Variants in LPAR3 observed in about 807,000 individuals in gnomAD.
The protein encoded by LPAR3 is lysophosphatidic acid receptor 3.
In LPAR3, 7 loss-of-function variants were observed where a neutral mutation model predicts 17.8. The observed-to-expected ratio is 0.39, with a 90% confidence interval of 0.22 to 0.74. LPAR3 has a LOEUF of 0.74. Ranked by LOEUF, LPAR3 falls within the 30% of genes least tolerant of loss-of-function variation. The pLI, the probability that LPAR3 is intolerant of heterozygous loss-of-function variation, is 0.40. For missense variants in LPAR3, 391 were observed against 453.4 expected (o/e 0.86, Z 1.25); for synonymous variants, 179 against 179.9 (o/e 0.99, Z 0.04).
At chr1:84,847,732 G>A (rs1395423548) in intron 2 of LPAR3, among the ~76,000 whole-genome samples, 1 of 152,154 alleles carries the variant, frequency 6.6e-6, no homozygotes, top group African/African-American at 2.4e-5. Flanking sequence ...GTCTTTCAGG[G>A]ACTTACCATC....
In LPAR3 at chr1:84,865,788, A is replaced by G. The variant is rs755703175; in HGVS notation, c.333T>C (p.Ser111=). Residue 111 remains serine (S), a synonymous_variant, in exon 2 of 3, where the codon AGT becomes AGC. Coordinates refer to ENST00000370611, the MANE Select transcript of LPAR3 (RefSeq NM_012152.3). The part of the protein sequence containing the change: ...RWFLRQGLLD[S]SLTASLTNLL... ...AGTTGGTGAGGGAAGCAGTCAAGCT[A>G]CTGTCCAGAAGCCCCTGACGGAGAA... 46 of 1,614,120 alleles carry G rather than the reference A, an allele frequency of 2.8e-5. No individual in the cohort carries two copies. The highest frequency in any genetic ancestry group is 4.0e-5 in the African/African-American group (3 of 74,946).
chr1:84,862,180 T>C (rs925237172), intron 2 of LPAR3, among the ~76,000 whole-genome samples: 1 of 152,238 alleles, frequency 6.6e-6, no homozygotes, highest in African/African-American at 2.4e-5. Context: ...ATTGACACTA[T>C]CTGTAAATAC....
At chr1:84,849,382 A>AAG in intron 2 of LPAR3, among the ~76,000 whole-genome samples, 1 of 151,120 alleles carries the variant, frequency 6.6e-6, no homozygotes, top group Non-Finnish European at 1.5e-5. Flanking sequence ...CAAAAAAAAA[A>AAG]AAAAAAAAAA....
rs527362456 is a variant in LPAR3, at chr1:84,869,555, T to C, written c.-18-3417A>G. Among the ~76,000 whole-genome samples the C allele has an allele frequency of 2.0e-5, 3 of 152,240 alleles. No individual in the cohort carries two copies. The East Asian group carries it at 5.8e-4, about 29-fold the overall frequency. On this transcript the variant is annotated intron_variant, in intron 1 of 2. Transcript: ENST00000370611. ...CCCATGTCATTGCTTTAATATACAA[T>C]ACACATAACAAAAATTTATTTGTGT...
chr1:84,877,612 T>A (rs1660283032), intron 1 of LPAR3, among the ~76,000 whole-genome samples: 1 of 152,208 alleles, frequency 6.6e-6, no homozygotes, highest in African/African-American at 2.4e-5. Context: ...TCAGAGGCAA[T>A]CCTCAACTTT....
chr1:84,852,393 T>C (rs1318419528), intron 2 of LPAR3, among the ~76,000 whole-genome samples: 1 of 152,150 alleles, frequency 6.6e-6, no homozygotes, highest in East Asian at 1.9e-4. Context: ...TGGTGAATAA[T>C]TTTAGATTTG....
chr1:84,832,358 C>A (rs1024707833), intron 2 of LPAR3, among the ~76,000 whole-genome samples: 1 of 152,164 alleles, frequency 6.6e-6, no homozygotes, highest in African/African-American at 2.4e-5. Context: ...AAAGACAATA[C>A]CTTTCCTCCA....
At chr1:84,840,248 G>C (rs1341246707) in intron 2 of LPAR3, among the ~76,000 whole-genome samples, 1 of 152,202 alleles carries the variant, frequency 6.6e-6, no homozygotes, top group Non-Finnish European at 1.5e-5. Context: ...ATTAGCATTA[G>C]TGTTAATGAA....
chr1:84,828,186 G>C (rs573111553), intron 2 of LPAR3, among the ~76,000 whole-genome samples: 2 of 152,196 alleles, frequency 1.3e-5, no homozygotes, highest in South Asian at 4.2e-4. Context: ...CACACACACA[G>C]ATGTAGAGAT....
At chr1:84,853,550 G>A (rs569251195) in intron 2 of LPAR3, among the ~76,000 whole-genome samples, 7 of 152,168 alleles carry the variant, frequency 4.6e-5, no homozygotes, top group Non-Finnish European at 1.0e-4. Context: ...CCTCCTGCCA[G>A]ATTTCCATAA....
chr1:84,864,156 G>A (rs1428093649), intron 2 of LPAR3, among the ~76,000 whole-genome samples: 2 of 151,528 alleles, frequency 1.3e-5, no homozygotes, highest in African/African-American at 4.9e-5. Flanking sequence ...AGGTTGCAGT[G>A]AGCTGAGATT....
At chr1:84,838,714 G>A (rs1188057625) in intron 2 of LPAR3, among the ~76,000 whole-genome samples, 1 of 152,110 alleles carries the variant, frequency 6.6e-6, no homozygotes, top group Non-Finnish European at 1.5e-5. Context: ...TAAATATAAG[G>A]TAAGTCTGAC....
intron 1 of LPAR3, among the ~76,000 whole-genome samples, chr1:84,870,401 T>A (rs1461297604): frequency 2.0e-5 from 3 of 152,262 alleles, no homozygotes; most frequent in African/African-American, 7.2e-5. Context: ...ACAGGATCAG[T>A]ATTTGTTGAA....
intron 2 of LPAR3, among the ~76,000 whole-genome samples, chr1:84,859,605 A>G (rs1659896650): frequency 6.6e-6 from 1 of 152,202 alleles, no homozygotes; most frequent in Non-Finnish European, 1.5e-5. Flanking sequence ...ATAAAACAAT[A>G]TTGATACCTG....
At chr1:84,828,922 C>A (rs1051563585) in intron 2 of LPAR3, among the ~76,000 whole-genome samples, 12 of 152,082 alleles carry the variant, frequency 7.9e-5, no homozygotes, top group Non-Finnish European at 1.8e-4. Context: ...ATTTATTAAG[C>A]CCCCACCAGG....
At chr1:84,880,048 T>C (rs7529963) in intron 1 of LPAR3, among the ~76,000 whole-genome samples, 118,250 of 152,224 alleles carry the variant, frequency 0.78, 47,114 homozygotes, top group African/African-American at 0.95. Context: ...CATCACAATG[T>C]GCTGGGTGTG....
chr1:84,879,085 AC>A (rs1185091788), intron 1 of LPAR3, among the ~76,000 whole-genome samples: 1 of 151,838 alleles, frequency 6.6e-6, no homozygotes, highest in East Asian at 1.9e-4. Flanking sequence ...TCTAGCCTCG[AC>A]CCTCAGGCTA....
At chr1:84,852,185 C>T (rs529636648) in intron 2 of LPAR3, among the ~76,000 whole-genome samples, 11 of 151,804 alleles carry the variant, frequency 7.2e-5, no homozygotes, top group South Asian at 4.2e-4. Context: ...CGGGCCCAAG[C>T]GATTTTCCTG....
At chr1:84,830,006 T>C (rs1659250796) in intron 2 of LPAR3, among the ~76,000 whole-genome samples, 1 of 152,162 alleles carries the variant, frequency 6.6e-6, no homozygotes, top group Non-Finnish European at 1.5e-5. Context: ...ACAGAGATAT[T>C]GTAGTCCCAC....
Sources: allele counts gnomAD v4.1 joint callset (sites outside exome capture counted in the v4.1 genomes callset), GRCh38; gene constraint gnomAD v4.1.1; transcripts MANE v1.5; gene names NCBI Gene and HGNC (gene_info 2026-07-23, HGNC 2026-07-21).